The following GPC5 variants were observed in gnomAD, a reference collection of about 807,000 sequenced individuals.
GPC5 encodes the protein glypican 5, also known as glypican-5.
Under a neutral mutation model 53.9 loss-of-function variants are expected in GPC5, and 47 were observed. The observed-to-expected ratio is 0.87, with a 90% CI of 0.69 to 1.11. GPC5 has a LOEUF of 1.11. Ranked by LOEUF, GPC5 falls within the 50% of genes most tolerant of loss-of-function variation. The pLI is 0.00. For missense variants in GPC5, 748 were observed against 713.1 expected (o/e 1.05, Z -0.56); for synonymous variants, 286 against 263.3 (o/e 1.09, Z -0.84).
intron 7 of GPC5, among the ~76,000 whole-genome samples, chr13:92,500,233 G>A (rs530261504): frequency 6.6e-5 from 10 of 152,164 alleles, no homozygotes; most frequent in African/African-American, 9.6e-5. Flanking sequence ...GATGAATAAC[G>A]TACAGTGACA....
chr13:91,875,189 G>C (rs1188680800), intron 5 of GPC5, among the ~76,000 whole-genome samples: 2 of 152,026 alleles, frequency 1.3e-5, no homozygotes, highest in African/African-American at 4.8e-5. Context: ...ATGCCCTTTT[G>C]TCTACACAAA....
At chr13:91,827,610 C>T (rs1236796264) in intron 5 of GPC5, among the ~76,000 whole-genome samples, 1 of 151,986 alleles carries the variant, frequency 6.6e-6, no homozygotes, top group East Asian at 1.9e-4. Flanking sequence ...GACCCTAGCT[C>T]AGTTATTAGT....
At chr13:91,826,575 AT>A (rs1292464825) in intron 5 of GPC5, among the ~76,000 whole-genome samples, 1 of 152,094 alleles carries the variant, frequency 6.6e-6, no homozygotes, top group African/African-American at 2.4e-5. Flanking sequence ...GGAAGACAGA[AT>A]AAGCAAAACA....
intron 7 of GPC5, among the ~76,000 whole-genome samples, chr13:92,841,952 T>C (rs749834732): frequency 2.6e-5 from 4 of 152,118 alleles, no homozygotes; most frequent in Admixed American, 6.6e-5. Flanking sequence ...TTTGATTAGG[T>C]ATATGTTCAG....
At chr13:92,476,453 A>C (rs917153011) in intron 7 of GPC5, among the ~76,000 whole-genome samples, 18 of 151,594 alleles carry the variant, frequency 1.2e-4, no homozygotes, top group South Asian at 6.3e-4. Flanking sequence ...GTGGGACTGT[A>C]AACTAGTTCA....
At chr13:91,432,203 C>CTGCTGCTGTGTGTGTG (rs1555306318) in intron 1 of GPC5, among the ~76,000 whole-genome samples, 44 of 136,444 alleles carry the variant, frequency 3.2e-4, no homozygotes, top group African/African-American at 1.1e-3. Flanking sequence ...GCTGCTGCTG[C>CTGCTGCTGTGTGTGTG]TGTGTGTGTG....
At chr13:92,424,423 C>T (rs993801600) in intron 7 of GPC5, among the ~76,000 whole-genome samples, 4 of 151,914 alleles carry the variant, frequency 2.6e-5, no homozygotes, top group Admixed American at 2.6e-4. Context: ...ATATGACAGA[C>T]AATATTTATT....
At chr13:92,094,491 A>C (rs1328657865) in intron 6 of GPC5, among the ~76,000 whole-genome samples, 1 of 137,034 alleles carries the variant, frequency 7.3e-6, no homozygotes, top group Non-Finnish European at 1.5e-5. Context: ...ACTGCACTCC[A>C]GCCTGGGCGA....
chr13:92,577,059 G>A (rs546639691), intron 7 of GPC5, among the ~76,000 whole-genome samples: 29 of 152,260 alleles, frequency 1.9e-4, no homozygotes, highest in African/African-American at 6.3e-4. Context: ...ATAGTAAGCT[G>A]TGTAATTTTA....
chr13:91,697,161 T>C (rs946378215), intron 3 of GPC5, among the ~76,000 whole-genome samples: 6 of 152,214 alleles, frequency 3.9e-5, no homozygotes, highest in Non-Finnish European at 5.9e-5. Context: ...TCTTTTTATT[T>C]GAAATGGAGT....
At chr13:92,243,524 C>A (rs534256426) in intron 7 of GPC5, among the ~76,000 whole-genome samples, 45 of 152,046 alleles carry the variant, frequency 3.0e-4, no homozygotes, top group African/African-American at 1.1e-3. Flanking sequence ...TGAGACTCAT[C>A]TTAAAGGTTG....
intron 7 of GPC5, among the ~76,000 whole-genome samples, chr13:92,647,204 G>C (rs1885802179): frequency 6.6e-6 from 1 of 151,838 alleles, no homozygotes; most frequent in South Asian, 2.1e-4. Flanking sequence ...CAACCTTAGG[G>C]GATATTCCTC....
chr13:92,400,566 A>T (rs2139335925), intron 7 of GPC5, among the ~76,000 whole-genome samples: 1 of 152,294 alleles, frequency 6.6e-6, no homozygotes. Context: ...TCCAAATTTT[A>T]GTGCTTTTAA....
intron 7 of GPC5, among the ~76,000 whole-genome samples, chr13:92,159,819 G>C (rs546406013): frequency 6.6e-6 from 1 of 151,712 alleles, no homozygotes; most frequent in Non-Finnish European, 1.5e-5. Context: ...AGCCAGGATA[G>C]TCTCGATCTC....
At chr13:91,411,758 A>C (rs1442465135) in intron 1 of GPC5, among the ~76,000 whole-genome samples, 1 of 152,218 alleles carries the variant, frequency 6.6e-6, no homozygotes, top group African/African-American at 2.4e-5. Context: ...GCTCTTTATA[A>C]AAATTTTATT....
At chr13:92,435,441 A>G (rs190958863) in intron 7 of GPC5, among the ~76,000 whole-genome samples, 253 of 152,346 alleles carry the variant, frequency 1.7e-3, no homozygotes, top group African/African-American at 5.8e-3. Flanking sequence ...TATTGAATAT[A>G]TCAAAAAGAA....
chr13:92,588,928 C>T (rs747025723), intron 7 of GPC5, among the ~76,000 whole-genome samples: 2 of 152,024 alleles, frequency 1.3e-5, no homozygotes, highest in Non-Finnish European at 2.9e-5. Flanking sequence ...TCATCCTAAC[C>T]AAGGTGTATA....
intron 6 of GPC5, among the ~76,000 whole-genome samples, chr13:92,125,923 GGTTTTTTTTTTTTTTTTTTTTTTTTTTTT>G (rs2041691768): frequency 2.4e-5 from 1 of 41,552 alleles, no homozygotes; most frequent in Non-Finnish European, 4.9e-5. Context: ...TTTGTTTTTT[GGTTTTTTTTTTTTTTTTTTTTTTTTTTTT>G]TTTTTTTTTT....
intron 5 of GPC5, among the ~76,000 whole-genome samples, chr13:91,844,276 G>A (rs1012761861): frequency 6.6e-6 from 1 of 152,218 alleles, no homozygotes; most frequent in African/African-American, 2.4e-5. Context: ...TTGAAAAGAG[G>A]TTGATGGATT....
Sources: gnomAD v4.1 joint callset for allele counts (sites outside exome capture counted in the v4.1 genomes callset) on GRCh38, gnomAD v4.1.1 for gene constraint, MANE v1.5 for transcripts, NCBI Gene and HGNC (gene_info 2026-07-23, HGNC 2026-07-21) for gene names.